The following RP1 variants were observed in gnomAD, a reference collection of about 807,000 sequenced individuals.
RP1 encodes oxygen-regulated protein 1.
A neutral mutation model predicts 14.8 loss-of-function variants in RP1; 16 were observed. The observed-to-expected ratio is 1.08, with a 90% CI of 0.73 to 1.65. RP1 has a LOEUF of 1.65. RP1 is among the 40% of genes most tolerant of loss of function. The pLI is 0.00. For missense variants in RP1, 2,631 were observed against 2,535.0 expected (o/e 1.04, Z -0.81); for synonymous variants, 876 against 883.6 (o/e 0.99, Z 0.15).
intron 15 of RP1, among the ~76,000 whole-genome samples, chr8:54,710,031 G>A (rs542387894): frequency 1.3e-5 from 2 of 152,108 alleles, no homozygotes; most frequent in Non-Finnish European, 2.9e-5. Flanking sequence ...TTTTGTGCTG[G>A]GATCCAGGCC....
intron 24 of RP1, among the ~76,000 whole-genome samples, chr8:54,806,440 C>A (rs1435053612): frequency 1.3e-5 from 2 of 152,138 alleles, no homozygotes; most frequent in African/African-American, 4.8e-5. Context: ...ACCCATCTCT[C>A]TTTACAAGGT....
chr8:54,787,886 A>G (rs1408616257), intron 24 of RP1, among the ~76,000 whole-genome samples: 1 of 152,202 alleles, frequency 6.6e-6, no homozygotes, highest in East Asian at 1.9e-4. Flanking sequence ...GCTCTTTACT[A>G]TATAAGGAAA....
intron 8 of RP1, among the ~76,000 whole-genome samples, chr8:54,676,550 A>G (rs1487733489): frequency 6.6e-6 from 1 of 152,212 alleles, no homozygotes; most frequent in Non-Finnish European, 1.5e-5. Context: ...TGCTTTAAAT[A>G]CCTACTCACC....
chr8:54,669,218 A>G (rs1352307708), intron 7 of RP1, among the ~76,000 whole-genome samples: 3 of 152,342 alleles, frequency 2.0e-5, no homozygotes, highest in Admixed American at 1.3e-4. Flanking sequence ...TGGGCAAAGG[A>G]TATGAACAGA....
chr8:54,718,248 C>T (rs920707604), intron 15 of RP1, among the ~76,000 whole-genome samples: 5 of 151,834 alleles, frequency 3.3e-5, no homozygotes, highest in Non-Finnish European at 7.4e-5. Context: ...GGCAACAGAC[C>T]CAGAATAGCC....
At chr8:54,622,073 A>G in intron 2 of RP1, 44 bp from the exon 3 acceptor site, 1 of 1,599,582 alleles carries the variant, frequency 6.3e-7, no homozygotes, top group Non-Finnish European at 8.6e-7. Flanking sequence ...ACCACTTAGT[A>G]TAAAATGTGC....
chr8:54,859,064 G>T (rs1198977040), intron 27 of RP1, among the ~76,000 whole-genome samples: 1 of 152,058 alleles, frequency 6.6e-6, no homozygotes, highest in Non-Finnish European at 1.5e-5. Context: ...GCAGCTCACT[G>T]CAGAGGGGTG....
In RP1 at chr8:54,852,803, C is replaced by T; in HGVS notation, c.3990+75C>T. 3 of 1,113,136 alleles carry T rather than the reference C, an allele frequency of 2.7e-6. No homozygotes were observed. The South Asian group carries it at 1.4e-4, about 52-fold the overall frequency. 69.0% of individuals were successfully genotyped at this position (1,113,136 alleles called of 1,614,324 possible). On this transcript the variant is annotated intron_variant, in intron 26 of 28. Transcript: ENST00000637698. ...TTTATTTAACAAAAACACACACAAACAGAAAATTTCTGAGATGCTCAGTTG... is the reference window on the plus strand; with the variant it reads ...TTTATTTAACAAAAACACACACAAATAGAAAATTTCTGAGATGCTCAGTTG...
intron 25 of RP1, among the ~76,000 whole-genome samples, chr8:54,841,386 T>A (rs1224146059): frequency 6.6e-6 from 1 of 152,222 alleles, no homozygotes; most frequent in African/African-American, 2.4e-5. Flanking sequence ...AGGGATGCAC[T>A]TGAGGGTTGG....
chr8:54,831,837 G>T (rs1323819508), intron 24 of RP1, among the ~76,000 whole-genome samples: 1 of 150,984 alleles, frequency 6.6e-6, no homozygotes, highest in Non-Finnish European at 1.5e-5. Context: ...TGTAGTACAA[G>T]TTGGCTAGTT....
intron 24 of RP1, among the ~76,000 whole-genome samples, chr8:54,813,352 C>A (rs1483181464): frequency 6.6e-6 from 1 of 152,188 alleles, no homozygotes; most frequent in Non-Finnish European, 1.5e-5. Flanking sequence ...TGCCTAGACA[C>A]CCAGGGATGC....
At chr8:54,861,341 C>T (rs1279805774) in intron 27 of RP1, among the ~76,000 whole-genome samples, 1 of 152,194 alleles carries the variant, frequency 6.6e-6, no homozygotes, top group Non-Finnish European at 1.5e-5. Context: ...TGTGGGGATA[C>T]TTGAAAACAC....
intron 24 of RP1, among the ~76,000 whole-genome samples, chr8:54,822,908 G>C (rs908540046): frequency 6.6e-6 from 1 of 152,214 alleles, no homozygotes; most frequent in Non-Finnish European, 1.5e-5. Flanking sequence ...ATGGTAATAA[G>C]TAAATTTCAT....
At chr8:54,691,397 T>C (rs1212648268) in intron 12 of RP1, among the ~76,000 whole-genome samples, 1 of 152,058 alleles carries the variant, frequency 6.6e-6, no homozygotes, top group African/African-American at 2.4e-5. Flanking sequence ...AAGAAATAAA[T>C]CTAGAAGGAT....
At chr8:54,728,281 C>T (rs1808707092) in intron 17 of RP1, among the ~76,000 whole-genome samples, 1 of 152,134 alleles carries the variant, frequency 6.6e-6, no homozygotes, top group African/African-American at 2.4e-5. Context: ...CTACCTCTAT[C>T]AAAGGACTGC....
chr8:54,604,419 A>G (rs1475979923), intron 1 of RP1, among the ~76,000 whole-genome samples: 2 of 152,114 alleles, frequency 1.3e-5, no homozygotes, highest in African/African-American at 2.4e-5. Context: ...GCTTTTTGAT[A>G]TGCTGCTGGA....
At chr8:54,728,970 A>G (rs986573863) in intron 17 of RP1, among the ~76,000 whole-genome samples, 24 of 152,286 alleles carry the variant, frequency 1.6e-4, no homozygotes, top group African/African-American at 5.5e-4. Flanking sequence ...AATTATTTTA[A>G]AGCAAATATA....
chr8:54,834,464 G>T (rs899297128), intron 24 of RP1, among the ~76,000 whole-genome samples: 5 of 151,804 alleles, frequency 3.3e-5, no homozygotes, highest in African/African-American at 1.2e-4. Context: ...TTTAAACCAA[G>T]GACCCCTGTT....
intron 12 of RP1, among the ~76,000 whole-genome samples, chr8:54,696,187 A>T (rs1807857012): frequency 6.6e-6 from 1 of 152,198 alleles, no homozygotes; most frequent in South Asian, 2.1e-4. Context: ...GAATATACAC[A>T]TATAGTAAAG....
Sources: gnomAD v4.1 joint callset for allele counts (sites outside exome capture counted in the v4.1 genomes callset) on GRCh38, gnomAD v4.1.1 for gene constraint, MANE v1.5 for transcripts, NCBI Gene and HGNC (gene_info 2026-07-23, HGNC 2026-07-21) for gene names.